Variants in RSRC1 observed in about 807,000 individuals in gnomAD.
The protein encoded by RSRC1 is serine/Arginine-related protein 53.
In RSRC1, 39 loss-of-function variants were observed where a neutral mutation model predicts 49.1. That is an observed-to-expected ratio of 0.79 (90% CI 0.61 to 1.04). The LOEUF is 1.04. Ranked by LOEUF, RSRC1 falls within the 50% of genes least tolerant of loss-of-function variation. The probability of loss-of-function intolerance (pLI) is 0.00; values close to 1 mark genes in which losing one functional copy is unlikely to be tolerated. For missense variants in RSRC1, 388 were observed against 402.4 expected (o/e 0.96, Z 0.31); for synonymous variants, 143 against 130.8 (o/e 1.09, Z -0.63).
intron 5 of RSRC1, among the ~76,000 whole-genome samples, chr3:158,304,683 A>G (rs1727744298): frequency 6.6e-6 from 1 of 152,172 alleles, no homozygotes; most frequent in Non-Finnish European, 1.5e-5. Context: ...ATGTCAGCAT[A>G]ATAGATACCT....
At chr3:158,444,315 G>C (rs1048708112) in intron 6 of RSRC1, among the ~76,000 whole-genome samples, 1 of 152,108 alleles carries the variant, frequency 6.6e-6, no homozygotes, top group Non-Finnish European at 1.5e-5. Flanking sequence ...CAGAGATATA[G>C]ACCAATGGAA....
intron 3 of RSRC1, among the ~76,000 whole-genome samples, chr3:158,194,126 G>A (rs1720406380): frequency 6.6e-6 from 1 of 150,874 alleles, no homozygotes; most frequent in African/African-American, 2.5e-5. Context: ...GCTGAGCATG[G>A]TGGCACAGCT....
At chr3:158,437,177 G>A (rs1046236889) in intron 6 of RSRC1, among the ~76,000 whole-genome samples, 1 of 151,406 alleles carries the variant, frequency 6.6e-6, no homozygotes, top group African/African-American at 2.4e-5. Context: ...AATTCCCGGG[G>A]TAGTGTGTTA....
chr3:158,258,208 C>CTT lies in RSRC1; in HGVS notation c.495-39805_495-39804dup, dbSNP rs71144451. Among the ~76,000 whole-genome samples, 243 of 65,778 alleles carry CTT rather than the reference C, an allele frequency of 3.7e-3. 10 individuals carry two copies. Among genetic ancestry groups the CTT allele is most frequent in the South Asian group, 8.0e-3 (10 of 1,250 alleles). 43.2% of individuals were successfully genotyped at this position (65,778 alleles called of 152,430 possible). On this transcript the variant is annotated intron_variant, in intron 4 of 9. Coordinates refer to ENST00000611884, the MANE Select transcript of RSRC1 (RefSeq NM_001271838.2). ...TTCAAATTGAAGAACTCCTTTTAAC[C>CTT]TTTTTTTTTTTTTTTTTTTTTTTTT...
At chr3:158,325,677 T>A (rs1729088265) in intron 5 of RSRC1, among the ~76,000 whole-genome samples, 1 of 152,222 alleles carries the variant, frequency 6.6e-6, no homozygotes, top group Admixed American at 6.5e-5. Flanking sequence ...CCTCCAGCTT[T>A]ATTCTTTTGG....
intron 4 of RSRC1, among the ~76,000 whole-genome samples, chr3:158,207,147 T>G (rs1368591729): frequency 6.6e-6 from 1 of 152,140 alleles, no homozygotes; most frequent in African/African-American, 2.4e-5. Context: ...CGACACACTA[T>G]CCTCATTTCT....
intron 5 of RSRC1, among the ~76,000 whole-genome samples, chr3:158,349,926 G>A (rs559273073): frequency 1.3e-5 from 2 of 151,418 alleles, no homozygotes; most frequent in South Asian, 2.1e-4. Context: ...TGGAACTCCC[G>A]ACCTTGGGTG....
At chr3:158,437,485 C>T (rs1249914690) in intron 6 of RSRC1, among the ~76,000 whole-genome samples, 5 of 152,096 alleles carry the variant, frequency 3.3e-5, no homozygotes, top group Non-Finnish European at 7.4e-5. Context: ...CAGCTTCATC[C>T]CTGGGATGCA....
intron 5 of RSRC1, among the ~76,000 whole-genome samples, chr3:158,341,160 A>T (rs1018253606): frequency 6.6e-6 from 1 of 151,490 alleles, no homozygotes; most frequent in South Asian, 2.1e-4. Context: ...TACGCAATAG[A>T]AAAAAAAACA....
At chr3:158,249,525 T>C (rs1724088511) in intron 4 of RSRC1, among the ~76,000 whole-genome samples, 1 of 152,220 alleles carries the variant, frequency 6.6e-6, no homozygotes. Flanking sequence ...TAGTGAGGGA[T>C]ATTTTGGTTG....
intron 6 of RSRC1, among the ~76,000 whole-genome samples, chr3:158,429,245 T>C (rs933677738): frequency 2.0e-5 from 3 of 151,712 alleles, no homozygotes; most frequent in East Asian, 1.9e-4. Flanking sequence ...GAAAATGATA[T>C]ACACATTAGG....
intron 4 of RSRC1, among the ~76,000 whole-genome samples, chr3:158,226,400 A>G (rs1363014994): frequency 6.6e-6 from 1 of 151,956 alleles, no homozygotes; most frequent in Non-Finnish European, 1.5e-5. Context: ...GGCTAAGGCA[A>G]TAGCTTAGTA....
chr3:158,517,520 C>T (rs1740640135), intron 7 of RSRC1, among the ~76,000 whole-genome samples: 1 of 151,256 alleles, frequency 6.6e-6, no homozygotes, highest in Admixed American at 6.6e-5. Flanking sequence ...GGTGGATTCC[C>T]TTTGCTTCAG....
intron 4 of RSRC1, among the ~76,000 whole-genome samples, chr3:158,242,738 A>G (rs192686526): frequency 1.3e-5 from 2 of 151,794 alleles, no homozygotes; most frequent in African/African-American, 4.8e-5. Context: ...CCCCCTTTTA[A>G]TAAGCTATTC....
intron 4 of RSRC1, among the ~76,000 whole-genome samples, chr3:158,285,811 C>G (rs1016354831): frequency 2.6e-5 from 4 of 152,158 alleles, no homozygotes; most frequent in African/African-American, 9.7e-5. Flanking sequence ...GTGGGGTTTT[C>G]TAGATATACA....
intron 3 of RSRC1, among the ~76,000 whole-genome samples, chr3:158,160,186 T>G (rs888935727): frequency 2.0e-5 from 3 of 152,194 alleles, no homozygotes; most frequent in African/African-American, 7.2e-5. Flanking sequence ...TCTTTTAAGA[T>G]GAATGATTGT....
intron 4 of RSRC1, among the ~76,000 whole-genome samples, chr3:158,219,995 A>G (rs961898762): frequency 6.6e-6 from 1 of 151,620 alleles, no homozygotes; most frequent in Non-Finnish European, 1.5e-5. Context: ...CTTATACACT[A>G]AAGTCTTGTA....
chr3:158,504,922 C>G (rs954123502), intron 7 of RSRC1, among the ~76,000 whole-genome samples: 2 of 152,178 alleles, frequency 1.3e-5, no homozygotes, highest in Admixed American at 6.5e-5. Flanking sequence ...TCCTTTAGAT[C>G]TGACGTTTGG....
At chr3:158,542,226 G>A (rs979128799) in intron 8 of RSRC1, among the ~76,000 whole-genome samples, 3 of 152,138 alleles carry the variant, frequency 2.0e-5, no homozygotes. Context: ...CTGCAACATG[G>A]ATGAACCTTA....
Sources: allele counts gnomAD v4.1 joint callset (sites outside exome capture counted in the v4.1 genomes callset), GRCh38; gene constraint gnomAD v4.1.1; transcripts MANE v1.5; gene names NCBI Gene and HGNC (gene_info 2026-07-23, HGNC 2026-07-21).